Variants in GPC5 observed in about 807,000 individuals in gnomAD.
GPC5 encodes the protein glypican 5.
In GPC5, 47 loss-of-function variants were observed where a neutral mutation model predicts 53.9. The ratio of observed to expected loss-of-function variants is 0.87; its 90% CI spans 0.69 to 1.11. The LOEUF (loss-of-function observed/expected upper bound fraction) is 1.11, where lower values mean the gene tolerates loss of function less well. GPC5 is among the 50% of genes most tolerant of loss of function. The pLI is 0.00. For synonymous variants in GPC5, 286 were observed against 263.3 expected (o/e 1.09, Z -0.84); for missense variants, 748 against 713.1 (o/e 1.05, Z -0.56).
chr13:91,762,650 C>A (rs1016399735), intron 5 of GPC5, among the ~76,000 whole-genome samples: 3 of 151,124 alleles, frequency 2.0e-5, no homozygotes, highest in Non-Finnish European at 4.4e-5. Context: ...TTTGTCTATA[C>A]CTTCCTAATA....
At chr13:92,147,781 C>A (rs1052973385) in intron 7 of GPC5, among the ~76,000 whole-genome samples, 1 of 151,990 alleles carries the variant, frequency 6.6e-6, no homozygotes, top group Non-Finnish European at 1.5e-5. Context: ...TAGCTGTTGC[C>A]TTTCAATTTT....
rs919800339 is a variant in GPC5 at position 91,728,513 on chromosome 13, A to G, written c.1021-19A>G. On this transcript the variant is annotated intron_variant, in intron 3 of 7. Transcript: ENST00000377067. ...GGAGTACGATTTCTAACTACCTTTT[A>G]ATGTTTTCTATTTAAAAGGTAAATA... is the stretch of plus-strand genomic sequence containing the variant. The G allele has an allele frequency of 6.2e-7, 1 of 1,602,836 alleles. No homozygotes were observed. Among genetic ancestry groups the G allele is most frequent in the Non-Finnish European group, 8.5e-7 (1 of 1,174,660 alleles).
rs2041714383 is a variant in GPC5 at position 92,128,123 on chromosome 13, A to G, written c.1402-16707A>G. ...ATATTGACTTACTCAGCTTTTCCCT[A>G]TTCTTCGGGTTTCCTCTGGGTCCTT... On this transcript the variant is annotated intron_variant, in intron 6 of 7. Transcript: ENST00000377067. Among the ~76,000 whole-genome samples, 4 of 152,110 alleles carry G rather than the reference A, an allele frequency of 2.6e-5. No individual in the cohort carries two copies. In the South Asian group the frequency reaches 6.2e-4, roughly 24 times the overall value.
chr13:92,137,858 T>A (rs2041797426), intron 6 of GPC5, among the ~76,000 whole-genome samples: 1 of 152,192 alleles, frequency 6.6e-6, no homozygotes. Context: ...ATGTCAAGTT[T>A]GTTGGGGTTT....
chr13:92,824,257 C>T (rs894253070), intron 7 of GPC5, among the ~76,000 whole-genome samples: 1 of 152,066 alleles, frequency 6.6e-6, no homozygotes, highest in Non-Finnish European at 1.5e-5. Flanking sequence ...AAAACCGCCT[C>T]TTCTTCTCTC....
intron 2 of GPC5, among the ~76,000 whole-genome samples, chr13:91,557,395 C>A (rs1353394652): frequency 6.6e-6 from 1 of 151,942 alleles, no homozygotes; most frequent in African/African-American, 2.4e-5. Flanking sequence ...CATTGTTTAC[C>A]TTGATTAGCA....
At chr13:91,661,074 G>T (rs1320943571) in intron 2 of GPC5, among the ~76,000 whole-genome samples, 1 of 152,148 alleles carries the variant, frequency 6.6e-6, no homozygotes, top group Non-Finnish European at 1.5e-5. Flanking sequence ...CCTTGCAGGG[G>T]TAGAATAGGC....
intron 5 of GPC5, among the ~76,000 whole-genome samples, chr13:91,793,925 TC>T (rs1480697031): frequency 6.6e-6 from 1 of 152,102 alleles, no homozygotes; most frequent in Non-Finnish European, 1.5e-5. Flanking sequence ...GGATTACAAT[TC>T]GAGATGAGAT....
At chr13:92,018,593 A>C (rs1015744368) in intron 6 of GPC5, among the ~76,000 whole-genome samples, 1 of 152,144 alleles carries the variant, frequency 6.6e-6, no homozygotes, top group Admixed American at 6.6e-5. Context: ...GGAGCAGTTT[A>C]TGTCATTATA....
chr13:91,750,233 A>G (rs1048188297), intron 4 of GPC5, among the ~76,000 whole-genome samples: 12 of 152,186 alleles, frequency 7.9e-5, no homozygotes, highest in Non-Finnish European at 1.5e-4. Context: ...CCAGACATAG[A>G]GGCTTTGAAT....
In GPC5 at chr13:92,179,362, G is replaced by A. The variant is rs141598946; in HGVS notation, c.1561+34373G>A. On this transcript the variant is annotated intron_variant, in intron 7 of 7. Coordinates refer to ENST00000377067, the MANE Select transcript of GPC5 (RefSeq NM_004466.6). ...TTTACAGATGACACAGCTAAGTGCA[G>A]ATGCCTAAAAGGAAGGGTTTCTGAT... Among the ~76,000 whole-genome samples, 3 of 152,302 alleles carry A rather than the reference G, an allele frequency of 2.0e-5. No homozygotes were observed. In the East Asian group the frequency reaches 5.8e-4, roughly 29 times the overall value.
chr13:92,215,079 C>G (rs1594004146), intron 7 of GPC5, among the ~76,000 whole-genome samples: 1 of 152,190 alleles, frequency 6.6e-6, no homozygotes, highest in Non-Finnish European at 1.5e-5. Context: ...CATATTGTTT[C>G]AAGCCACTAA....
intron 7 of GPC5, among the ~76,000 whole-genome samples, chr13:92,493,035 C>A (rs756958286): frequency 3.3e-5 from 5 of 152,204 alleles, no homozygotes; most frequent in Non-Finnish European, 5.9e-5. Context: ...TTTCTGAATT[C>A]ACACTGATAG....
chr13:92,193,620 C>T (rs2042238499), intron 7 of GPC5, among the ~76,000 whole-genome samples: 1 of 152,168 alleles, frequency 6.6e-6, no homozygotes, highest in South Asian at 2.1e-4. Flanking sequence ...AAACCATTTT[C>T]CTATCATTGT....
chr13:92,243,722 A>G (rs2042630428), intron 7 of GPC5, among the ~76,000 whole-genome samples: 1 of 152,186 alleles, frequency 6.6e-6, no homozygotes, highest in South Asian at 2.1e-4. Context: ...AGTAAAAAGT[A>G]AAATTCAAGA....
At chr13:91,422,710 G>A (rs1878729115) in intron 1 of GPC5, among the ~76,000 whole-genome samples, 1 of 152,072 alleles carries the variant, frequency 6.6e-6, no homozygotes, top group Non-Finnish European at 1.5e-5. Flanking sequence ...TGCATCTGGT[G>A]AGGGCCTTCC....
At chr13:92,569,437 C>T (rs557378995) in intron 7 of GPC5, among the ~76,000 whole-genome samples, 2 of 151,862 alleles carry the variant, frequency 1.3e-5, no homozygotes, top group African/African-American at 4.8e-5. Context: ...GATGGCGTGC[C>T]GGGATCTAAT....
intron 7 of GPC5, among the ~76,000 whole-genome samples, chr13:92,290,395 T>A (rs1265834816): frequency 2.0e-5 from 3 of 152,144 alleles, no homozygotes; most frequent in African/African-American, 7.2e-5. Flanking sequence ...CATCAGTAAG[T>A]TCTTTAGTGG....
At position 91,571,860 on chromosome 13, in the gene GPC5, C is replaced by CGTGT. The variant is rs751776139; in HGVS notation, c.326-121322_326-121319dup. ...ATACTTGTGTGTATATACACATATA[C>CGTGT]GTGTGTGTATATATACACACATATA... is the stretch of plus-strand genomic sequence containing the variant. On this transcript the variant is annotated intron_variant, in intron 2 of 7. Coordinates refer to ENST00000377067, the MANE Select transcript of GPC5 (RefSeq NM_004466.6). Among the ~76,000 whole-genome samples, 975 of 120,372 alleles carry CGTGT rather than the reference C, an allele frequency of 8.1e-3. 108 individuals are homozygous for CGTGT. The highest frequency in any genetic ancestry group is 0.012 in the Admixed American group (154 of 12,646). The allele number at this position is 120,372 out of a possible 152,430, so 79.0% of individuals were successfully genotyped here.
Sources: gnomAD v4.1 joint callset for allele counts (sites outside exome capture counted in the v4.1 genomes callset) on GRCh38, gnomAD v4.1.1 for gene constraint, MANE v1.5 for transcripts, NCBI Gene and HGNC (gene_info 2026-07-23, HGNC 2026-07-21) for gene names.